The following AMPH variants were observed in gnomAD, a reference collection of about 807,000 sequenced individuals.
AMPH encodes amphiphysin (Stiff-Mann syndrome with breast cancer 128kD autoantigen).
AMPH carries 49 observed loss-of-function variants against 99.1 expected under a neutral mutation model. The observed-to-expected ratio is 0.49, with a 90% CI of 0.39 to 0.63. The LOEUF is 0.63. Ranked by LOEUF, AMPH falls within the 20% of genes least tolerant of loss-of-function variation. AMPH has a pLI of 0.00. For missense variants in AMPH, 759 were observed against 863.4 expected (o/e 0.88, Z 1.52); for synonymous variants, 314 against 317.3 (o/e 0.99, Z 0.11).
At position 38,491,145 on chromosome 7, in the gene AMPH, T is replaced by C. The variant is rs546244149; in HGVS notation, c.301A>G (p.Lys101Glu). 1 of 1,608,066 alleles carries C rather than the reference T, an allele frequency of 6.2e-7. No individual in the cohort carries two copies. Among genetic ancestry groups the C allele is most frequent in the East Asian group, 2.2e-5 (1 of 44,786 alleles). Residue 101 changes from lysine (K) to glutamate (E), a missense_variant and splice_region_variant, in exon 5 of 21, where the codon AAA becomes GAA. Transcript: ENST00000356264. ...GREDVKMVGE[K>E]CDVLWEDFHQ... is the part of the protein sequence containing the mutation. ...AAGTCTTCCCACAGCACATCACATTTCTAAAAGAAATAAAGAGACCACTGC... is the reference window on the plus strand; with the variant it reads ...AAGTCTTCCCACAGCACATCACATTCCTAAAAGAAATAAAGAGACCACTGC...
At chr7:38,554,451 CTTA>C (rs1791291820) in intron 1 of AMPH, among the ~76,000 whole-genome samples, 1 of 152,184 alleles carries the variant, frequency 6.6e-6, no homozygotes, top group Non-Finnish European at 1.5e-5. Flanking sequence ...AATGTCTATA[CTTA>C]TTGACCCAGC....
intron 1 of AMPH, among the ~76,000 whole-genome samples, chr7:38,567,631 T>C (rs1283345443): frequency 5.3e-5 from 8 of 152,230 alleles, no homozygotes; most frequent in Admixed American, 5.2e-4. Context: ...TCTGTAAGAG[T>C]ACCTTTCTGC....
intron 11 of AMPH, among the ~76,000 whole-genome samples, chr7:38,451,537 C>T (rs1006898033): frequency 5.1e-4 from 78 of 151,970 alleles, no homozygotes; most frequent in African/African-American, 1.4e-3. Context: ...TTTTACCAAA[C>T]ACCCATTTCC....
intron 7 of AMPH, among the ~76,000 whole-genome samples, chr7:38,472,893 C>T (rs925413312): frequency 5.3e-5 from 8 of 152,140 alleles, no homozygotes; most frequent in Admixed American, 1.3e-4. Flanking sequence ...AAGTCTTTCA[C>T]GCTACGAGAC....
chr7:38,593,979 C>T (rs892478782), intron 1 of AMPH, among the ~76,000 whole-genome samples: 1 of 152,098 alleles, frequency 6.6e-6, no homozygotes, highest in African/African-American at 2.4e-5. Context: ...GGTGGGTTTA[C>T]CCGGACAACA....
intron 1 of AMPH, among the ~76,000 whole-genome samples, chr7:38,560,995 A>G (rs1310444003): frequency 6.6e-6 from 1 of 152,230 alleles, no homozygotes; most frequent in Non-Finnish European, 1.5e-5. Flanking sequence ...CATGCTTTCA[A>G]TTAAAGCAAG....
At chr7:38,493,377 G>A (rs1788802280) in intron 4 of AMPH, among the ~76,000 whole-genome samples, 1 of 152,196 alleles carries the variant, frequency 6.6e-6, no homozygotes, top group African/African-American at 2.4e-5. Flanking sequence ...TCTCACATCA[G>A]TAATCATAAT....
chr7:38,406,950 C>A (rs1331389736), intron 17 of AMPH, among the ~76,000 whole-genome samples: 1 of 146,774 alleles, frequency 6.8e-6, no homozygotes, highest in African/African-American at 2.5e-5. Flanking sequence ...TTCTCTCTGT[C>A]CCCAGCTTGC....
chr7:38,615,691 C>A (rs1454544971), intron 1 of AMPH, among the ~76,000 whole-genome samples: 1 of 152,130 alleles, frequency 6.6e-6, no homozygotes, highest in Non-Finnish European at 1.5e-5. Flanking sequence ...CTTGGGCTGC[C>A]CCTCTCACCA....
At chr7:38,463,789 T>C (rs17171367) in intron 9 of AMPH, among the ~76,000 whole-genome samples, 14,762 of 152,300 alleles carry the variant, frequency 0.097, 953 homozygotes, top group Middle Eastern at 0.2. Context: ...ACCATGTTCC[T>C]GGCATGCGGC....
intron 11 of AMPH, among the ~76,000 whole-genome samples, chr7:38,443,760 C>T (rs1786647408): frequency 6.6e-6 from 1 of 151,910 alleles, no homozygotes; most frequent in Non-Finnish European, 1.5e-5. Flanking sequence ...AAGTGAAATA[C>T]TACATGCTCT....
At chr7:38,471,905 C>A (rs1286024246) in intron 7 of AMPH, among the ~76,000 whole-genome samples, 1 of 151,914 alleles carries the variant, frequency 6.6e-6, no homozygotes, top group African/African-American at 2.4e-5. Context: ...AAAGAAAAAA[C>A]AGTCAATCCA....
intron 17 of AMPH, among the ~76,000 whole-genome samples, chr7:38,417,012 T>C (rs1357503840): frequency 2.0e-5 from 3 of 152,190 alleles, no homozygotes; most frequent in Admixed American, 2.0e-4. Flanking sequence ...ATAGAGAAAT[T>C]GTTTTTCCTA....
At chr7:38,582,073 C>G (rs1792487454) in intron 1 of AMPH, among the ~76,000 whole-genome samples, 1 of 151,904 alleles carries the variant, frequency 6.6e-6, no homozygotes, top group Admixed American at 6.6e-5. Context: ...AATGATGTCC[C>G]CACAGAGTGA....
chr7:38,423,885 G>A (rs1785686215), intron 15 of AMPH, among the ~76,000 whole-genome samples: 1 of 152,132 alleles, frequency 6.6e-6, no homozygotes, highest in African/African-American at 2.4e-5. Flanking sequence ...CAGAAGACTT[G>A]AGATTAATTA....
intron 1 of AMPH, among the ~76,000 whole-genome samples, chr7:38,555,360 A>G (rs1322564733): frequency 6.6e-6 from 1 of 152,138 alleles, no homozygotes; most frequent in African/African-American, 2.4e-5. Context: ...AGCTATGATC[A>G]TGCCACTATA....
chr7:38,536,161 C>G (rs1014929594), intron 1 of AMPH, among the ~76,000 whole-genome samples: 12 of 152,066 alleles, frequency 7.9e-5, no homozygotes, highest in Non-Finnish European at 1.5e-4. Context: ...AATAACAAAT[C>G]AAGGATAAGT....
chr7:38,566,002 C>T (rs73692776), intron 1 of AMPH, among the ~76,000 whole-genome samples: 3,785 of 152,128 alleles, frequency 0.025, 142 homozygotes, highest in African/African-American at 0.087. Flanking sequence ...AAAATATTAA[C>T]AGGGACCACC....
At chr7:38,566,117 G>T (rs1438085806) in intron 1 of AMPH, among the ~76,000 whole-genome samples, 1 of 151,812 alleles carries the variant, frequency 6.6e-6, no homozygotes, top group Admixed American at 6.6e-5. Flanking sequence ...TTATTTCAGG[G>T]ACCTGTTTGC....
Sources: gnomAD v4.1 joint callset for allele counts (sites outside exome capture counted in the v4.1 genomes callset) on GRCh38, gnomAD v4.1.1 for gene constraint, MANE v1.5 for transcripts, NCBI Gene and HGNC (gene_info 2026-07-23, HGNC 2026-07-21) for gene names.